The following NUP155 variants were observed in gnomAD, a reference collection of about 807,000 sequenced individuals.
NUP155 encodes nucleoporin 155.
In NUP155, 71 loss-of-function variants were observed where a neutral mutation model predicts 180.4. That is an observed-to-expected ratio of 0.39 (90% CI 0.33 to 0.48). The LOEUF is 0.48. Among genes scored for constraint, NUP155 ranks in the 20% least tolerant of loss-of-function variants. The pLI is 0.91. For missense variants in NUP155, 1,553 were observed against 1,648.9 expected, an observed-to-expected ratio of 0.94 and a Z score of 1.01; for synonymous variants, 582 against 559.5, an observed-to-expected ratio of 1.04 and a Z score of -0.57.
In NUP155 at chr5:37,317,254, C is replaced by T. The variant is rs996261086; in HGVS notation, c.2305+734G>A. On this transcript the variant is annotated intron_variant, in intron 21 of 34. Transcript: ENST00000231498. ...CTGTAATCCCAGCACTTTGGGAGGC[C>T]GAGGCGGACGGGATCACCTGAGGTT... 5.9e-5 allele frequency among the ~76,000 whole-genome samples: 9 copies of T among 151,836 alleles called. No individual in the cohort carries two copies. The East Asian group carries it at 1.2e-3, about 20-fold the overall frequency.
rs1446413707 is a variant in NUP155 at position 37,329,228 on chromosome 5, C to T, written c.1775G>A (p.Ser592Asn). ...AGACCCCAAGATGGGACCAACATTA[C>T]TTGGAGGCGGAAGAGTGGTTGGAAA... ...MRFPTTLPPP[S>N]NVGPILGSPV... The change falls in exon 16 of 35, where the codon AGT becomes AAT. Residue 592 changes from serine (S) to asparagine (N), a missense_variant. Transcript: ENST00000231498. The T allele has an allele frequency of 6.2e-7, 1 of 1,613,836 alleles. No individual in the cohort carries two copies. Among genetic ancestry groups the T allele is most frequent in the Non-Finnish European group, 8.5e-7 (1 of 1,179,900 alleles).
chr5:37,327,532 T>C (rs1205677931), intron 18 of NUP155, 97 bp downstream of exon 18: 2 of 1,376,950 alleles, frequency 1.5e-6, no homozygotes, highest in African/African-American at 1.4e-5. Context: ...TAAAATTTAA[T>C]AGGAATAAAT....
At chr5:37,351,489 C>T (rs1746454901) in intron 5 of NUP155, 133 bp from the exon 6 acceptor site, 3 of 637,394 alleles carry the variant, frequency 4.7e-6, no homozygotes, top group Non-Finnish European at 7.9e-6. Context: ...ACTCTGTCAC[C>T]CAGGCTGGGT....
chr5:37,330,174 T>C (rs779221926), intron 14 of NUP155, 42 bp from the exon 15 acceptor site: 2 of 1,401,542 alleles, frequency 1.4e-6, no homozygotes, highest in African/African-American at 1.4e-5. Flanking sequence ...TAAATACAAA[T>C]TTTAAAATGA....
rs530264291 is a variant in NUP155 at position 37,337,249 on chromosome 5, G to A, written c.1347+569C>T. Among the ~76,000 whole-genome samples the A allele has an allele frequency of 3.9e-5, 6 of 152,208 alleles. No homozygotes were observed. In the South Asian group the frequency reaches 1.2e-3, roughly 32 times the overall value. The stretch of plus-strand genomic sequence containing the variant: ...ATTTTTGTGTTTAAATCAAAACTGT[G>A]TGTTTGTGGGTGTCTCTTTGTTTAT... On this transcript the variant is annotated intron_variant, in intron 12 of 34. Transcript: ENST00000231498.
chr5:37,308,950 T>C (rs1245546805), intron 24 of NUP155, among the ~76,000 whole-genome samples, 179 bp downstream of exon 24: 2 of 151,366 alleles, frequency 1.3e-5, no homozygotes, highest in Non-Finnish European at 1.5e-5. Flanking sequence ...CAGGTCAGTG[T>C]AGTCATCAAA....
At chr5:37,367,469 C>T (rs1747667010) in intron 1 of NUP155, among the ~76,000 whole-genome samples, 1 of 151,864 alleles carries the variant, frequency 6.6e-6, no homozygotes, top group Non-Finnish European at 1.5e-5. Context: ...CTCACCTTTG[C>T]CTCCCAAATT....
chr5:37,320,563 G>T (rs1337496448), intron 20 of NUP155, among the ~76,000 whole-genome samples: 3 of 152,194 alleles, frequency 2.0e-5, no homozygotes, highest in Admixed American at 6.5e-5. Context: ...AGATGGAAAA[G>T]ATGAAACTAT....
Position 37,305,090 on chromosome 5 carries a change from T to C in NUP155, c.3024A>G (p.Pro1008=). 1 of 1,613,876 alleles carries C rather than the reference T, an allele frequency of 6.2e-7. No individual in the cohort carries two copies. Among genetic ancestry groups the C allele is most frequent in the Admixed American group, 1.7e-5 (1 of 60,014 alleles). ...KPGPPVLSSD[P]NMLSNEEAGH... ...CTGCTTCTTCATTACTCAGCATATT[T>C]GGATCAGATGACAACACTGGAGGAC... The change falls in exon 26 of 35, where the codon CCA becomes CCG. Residue 1008 remains proline (P), a synonymous_variant. Coordinates refer to ENST00000231498, the MANE Select transcript of NUP155 (RefSeq NM_153485.3).
intron 24 of NUP155, among the ~76,000 whole-genome samples, 170 bp downstream of exon 24, chr5:37,308,959 A>G (rs1743351875): frequency 6.6e-6 from 1 of 152,036 alleles, no homozygotes; most frequent in Admixed American, 6.6e-5. Flanking sequence ...GTAGTCATCA[A>G]ATATTGCAAC....
intron 14 of NUP155, among the ~76,000 whole-genome samples, chr5:37,330,673 A>C (rs1425364037): frequency 6.6e-6 from 1 of 152,040 alleles, no homozygotes; most frequent in Non-Finnish European, 1.5e-5. Flanking sequence ...TGTGGCTCTG[A>C]AATACTAAGA....
intron 22 of NUP155, among the ~76,000 whole-genome samples, chr5:37,313,163 GGTCACGTCT>G (rs1743631116): frequency 6.6e-6 from 1 of 151,974 alleles, no homozygotes; most frequent in African/African-American, 2.4e-5. Context: ...GGGCATGGTG[GGTCACGTCT>G]GTAATCCTAG....
rs756226231 is a variant in NUP155 at position 37,370,862 on chromosome 5, A to G, written c.116T>C (p.Met39Thr). The G allele has an allele frequency of 6.2e-7, 1 of 1,614,216 alleles. No homozygotes were observed. The highest frequency in any genetic ancestry group is 8.5e-7 in the Non-Finnish European group (1 of 1,180,036). The change falls in exon 1 of 35, where the codon ATG (methionine) becomes ACG (threonine). Residue 39 changes from methionine (M) to threonine (T), a missense_variant. Transcript: ENST00000231498. ...AAGCAGCTCGGAAAGGTCCGGGTAC[A>G]TGCGGTCCTCTTGCAACTGACGGTC... ...LIDRQLQEDRMYPDLSELLMV... is the reference protein window; with the variant it reads ...LIDRQLQEDRTYPDLSELLMV...
intron 13 of NUP155, among the ~76,000 whole-genome samples, chr5:37,333,013 T>C (rs1264599003): frequency 6.6e-6 from 1 of 151,790 alleles, no homozygotes; most frequent in East Asian, 1.9e-4. Flanking sequence ...TTTTGACTAA[T>C]TATAAGCTTG....
intron 1 of NUP155, among the ~76,000 whole-genome samples, chr5:37,369,989 C>G (rs574894739): frequency 6.6e-6 from 1 of 152,328 alleles, no homozygotes; most frequent in African/African-American, 2.4e-5. Flanking sequence ...TACATAAGCA[C>G]TGTGATTTCC....
rs1209846204 is a variant in NUP155, at chr5:37,291,886, G to C, written c.*14C>G. On this transcript the variant is annotated 3_prime_UTR_variant, in exon 35 of 35. Coordinates refer to ENST00000231498, the MANE Select transcript of NUP155 (RefSeq NM_153485.3). Reference sequence around the variant, plus strand: ...TTTACAGATCATAAAACGGATGAAAGTATATCACAGTAATTAATGAAGCCG... The same window carrying C: ...TTTACAGATCATAAAACGGATGAAACTATATCACAGTAATTAATGAAGCCG... The C allele has an allele frequency of 6.2e-7, 1 of 1,612,422 alleles. No homozygotes were observed. The highest frequency in any genetic ancestry group is 1.1e-5 in the South Asian group (1 of 91,038).
chr5:37,335,904 G>A (rs1183402622), intron 12 of NUP155, among the ~76,000 whole-genome samples: 1 of 152,138 alleles, frequency 6.6e-6, no homozygotes, highest in East Asian at 1.9e-4. Flanking sequence ...GGAGGCAGTT[G>A]CAGTGAGCTC....
intron 20 of NUP155, among the ~76,000 whole-genome samples, chr5:37,318,957 C>T (rs1395093559): frequency 6.6e-6 from 1 of 152,090 alleles, no homozygotes; most frequent in Non-Finnish European, 1.5e-5. Flanking sequence ...AAAATGTATA[C>T]GAAGATCTGA....
intron 34 of NUP155, 146 bp from the exon 35 acceptor site, chr5:37,292,184 G>C: frequency 1.4e-6 from 1 of 735,428 alleles, no homozygotes. Context: ...AAGTAAAAAA[G>C]AAAACTTGGG....
Sources: allele counts gnomAD v4.1 joint callset (sites outside exome capture counted in the v4.1 genomes callset), GRCh38; gene constraint gnomAD v4.1.1; transcripts MANE v1.5; gene names NCBI Gene and HGNC (gene_info 2026-07-23, HGNC 2026-07-21).